The following ACSS3 variants were observed in gnomAD, a reference collection of about 807,000 sequenced individuals.
The protein encoded by ACSS3 is acyl-CoA synthetase short-chain family member 3, mitochondrial.
In ACSS3, 64 loss-of-function variants were observed where a neutral mutation model predicts 84.2. That is an observed-to-expected ratio of 0.76 (90% CI 0.62 to 0.94). ACSS3 has a LOEUF of 0.94. Among genes scored for constraint, ACSS3 ranks in the 40% least tolerant of loss-of-function variants. The pLI is 0.00. For synonymous variants in ACSS3, 317 were observed against 310.1 expected (o/e 1.02, Z -0.23); for missense variants, 815 against 867.6 (o/e 0.94, Z 0.76).
At chr12:81,244,403 G>A (rs2033915572) in intron 13 of ACSS3, among the ~76,000 whole-genome samples, 1 of 151,544 alleles carries the variant, frequency 6.6e-6, no homozygotes, top group African/African-American at 2.4e-5. Context: ...CTATGATTTT[G>A]TGTCAGCATT....
rs897925661 is a variant in ACSS3, at chr12:81,157,688, T to C, written c.1098+5592T>C. On this transcript the variant is annotated intron_variant, in intron 7 of 15. Transcript: ENST00000548058. ...CAGGCATGGTGGTGCGCACCTATAGTCCCAGCTACTCGGGAGGCTGAGGCA... is the reference window on the plus strand; with the variant it reads ...CAGGCATGGTGGTGCGCACCTATAGCCCCAGCTACTCGGGAGGCTGAGGCA... 9.9e-5 allele frequency among the ~76,000 whole-genome samples: 15 copies of C among 152,140 alleles called. No individual in the cohort carries two copies. In the East Asian group the frequency reaches 1.5e-3, roughly 16 times the overall value.
intron 10 of ACSS3, among the ~76,000 whole-genome samples, chr12:81,217,407 G>C (rs1031787492): frequency 1.3e-5 from 2 of 152,102 alleles, no homozygotes; most frequent in African/African-American, 4.8e-5. Flanking sequence ...TAACACTGCT[G>C]GTTAGATCCT....
At chr12:81,094,856 T>C (rs1235860209) in intron 1 of ACSS3, 1 of 152,226 alleles carries the variant, frequency 6.6e-6, no homozygotes, top group African/African-American at 2.4e-5. Context: ...TGCTCTCCTG[T>C]CTTCCTCCCA....
intron 7 of ACSS3, among the ~76,000 whole-genome samples, chr12:81,154,675 G>C (rs568084547): frequency 1.3e-5 from 2 of 152,190 alleles, no homozygotes; most frequent in South Asian, 2.1e-4. Context: ...TCTGATTTAT[G>C]TTCACATCAT....
At chr12:81,233,546 A>C in intron 13 of ACSS3, 75 bp downstream of exon 13, 12 of 1,540,452 alleles carry the variant, frequency 7.8e-6, no homozygotes, top group Non-Finnish European at 1.1e-5. Context: ...TATTGAGGTT[A>C]TTTCACTTGG....
intron 12 of ACSS3, among the ~76,000 whole-genome samples, chr12:81,232,941 G>A (rs2033513608): frequency 6.6e-6 from 1 of 151,560 alleles, no homozygotes; most frequent in African/African-American, 2.4e-5. Context: ...AACTACTGCT[G>A]TATTGGGAAA....
At chr12:81,187,429 G>A (rs2031330383) in intron 8 of ACSS3, among the ~76,000 whole-genome samples, 2 of 151,832 alleles carry the variant, frequency 1.3e-5, no homozygotes, top group Admixed American at 1.3e-4. Context: ...AGATACCTAT[G>A]TCTTATCTAC....
intron 2 of ACSS3, among the ~76,000 whole-genome samples, chr12:81,124,148 C>G (rs1286052711): frequency 1.3e-5 from 2 of 152,042 alleles, no homozygotes; most frequent in African/African-American, 4.8e-5. Flanking sequence ...CTTGCCAGCC[C>G]CTGTTGTTTT....
intron 9 of ACSS3, among the ~76,000 whole-genome samples, chr12:81,213,411 A>T: frequency 6.6e-6 from 1 of 152,270 alleles, no homozygotes; most frequent in African/African-American, 2.4e-5. Flanking sequence ...GGTACAAAGA[A>T]GGATAACCAA....
intron 2 of ACSS3, among the ~76,000 whole-genome samples, chr12:81,128,601 G>T (rs1885272042): frequency 6.6e-6 from 1 of 152,258 alleles, no homozygotes; most frequent in South Asian, 2.1e-4. Flanking sequence ...TTAAGAAGGT[G>T]CAAAGATGAA....
intron 8 of ACSS3, among the ~76,000 whole-genome samples, chr12:81,176,270 A>G (rs2030470467): frequency 6.6e-6 from 1 of 152,192 alleles, no homozygotes; most frequent in Non-Finnish European, 1.5e-5. Context: ...TTCTGAAAAC[A>G]TACAATCTCT....
chr12:81,164,359 A>C (rs1026791023), intron 7 of ACSS3, among the ~76,000 whole-genome samples: 3 of 152,160 alleles, frequency 2.0e-5, no homozygotes, highest in African/African-American at 7.2e-5. Context: ...ACACTCTGTG[A>C]GGTTTTCACA....
chr12:81,186,763 T>G (rs529986338), intron 8 of ACSS3, among the ~76,000 whole-genome samples: 4 of 151,902 alleles, frequency 2.6e-5, no homozygotes, highest in African/African-American at 9.7e-5. Context: ...TTCTTGAGAA[T>G]GTAGATTGTT....
chr12:81,240,792 A>T (rs531112030), intron 13 of ACSS3, among the ~76,000 whole-genome samples: 2 of 152,138 alleles, frequency 1.3e-5, no homozygotes, highest in African/African-American at 4.8e-5. Context: ...CAAATAATAC[A>T]TATTACTTCA....
intron 13 of ACSS3, among the ~76,000 whole-genome samples, chr12:81,244,171 A>G (rs1400657108): frequency 6.6e-6 from 1 of 151,988 alleles, no homozygotes; most frequent in Non-Finnish European, 1.5e-5. Flanking sequence ...CACTTTAAAT[A>G]TTTCGCTCCA....
chr12:81,182,295 T>C (rs1179805726), intron 8 of ACSS3, among the ~76,000 whole-genome samples: 1 of 152,160 alleles, frequency 6.6e-6, no homozygotes, highest in East Asian at 1.9e-4. Flanking sequence ...CCAGACATGC[T>C]GTCCTTCAGG....
chr12:81,238,836 AT>A (rs1184933915), intron 13 of ACSS3, among the ~76,000 whole-genome samples: 1 of 150,086 alleles, frequency 6.7e-6, no homozygotes, highest in Non-Finnish European at 1.5e-5. Context: ...TTTTCTATTG[AT>A]TTATTTTTGA....
At position 81,151,917 on chromosome 12, in the gene ACSS3, C is replaced by T; in HGVS notation, c.995C>T (p.Pro332Leu). Residue 332 changes from proline to leucine, a missense_variant, in exon 6 of 16, where the codon CCC becomes CTC. Transcript: ENST00000548058. ...WSMSSIYGLQ[P>L]GEVWWAASDL... ...ATGTCTTCCATATACGGACTTCAACCCGGAGAGGTAATCGTGGTTTTAAAT... is the reference window on the plus strand; with the variant it reads ...ATGTCTTCCATATACGGACTTCAACTCGGAGAGGTAATCGTGGTTTTAAAT... 3 of 1,613,754 alleles carry T rather than the reference C, an allele frequency of 1.9e-6. No individual in the cohort carries two copies. The highest frequency in any genetic ancestry group is 2.5e-6 in the Non-Finnish European group (3 of 1,179,842).
chr12:81,211,547 G>A (rs1483611189), intron 9 of ACSS3, among the ~76,000 whole-genome samples: 1 of 152,084 alleles, frequency 6.6e-6, no homozygotes, highest in Non-Finnish European at 1.5e-5. Flanking sequence ...TAGTTTTTCT[G>A]TCAGTCTTGT....
Sources: gnomAD v4.1 joint callset for allele counts (sites outside exome capture counted in the v4.1 genomes callset) on GRCh38, gnomAD v4.1.1 for gene constraint, MANE v1.5 for transcripts, NCBI Gene and HGNC (gene_info 2026-07-23, HGNC 2026-07-21) for gene names.